Variants in GPR158 observed in about 807,000 individuals in gnomAD.
GPR158 encodes G protein-coupled receptor 158.
GPR158 carries 30 observed loss-of-function variants against 78.2 expected under a neutral mutation model. That is an observed-to-expected ratio of 0.38 (90% confidence interval 0.29 to 0.52). The LOEUF is 0.52. GPR158 is among the 20% of genes least tolerant of loss of function. GPR158 has a pLI of 0.83. For synonymous variants in GPR158, 581 were observed against 591.1 expected, an observed-to-expected ratio of 0.98 and a Z score of 0.25; for missense variants, 1,463 against 1,523.5, an observed-to-expected ratio of 0.96 and a Z score of 0.66.
At chr10:25,197,861 T>C (rs536962585) in intron 1 of GPR158, among the ~76,000 whole-genome samples, 10 of 152,296 alleles carry the variant, frequency 6.6e-5, no homozygotes, top group Admixed American at 2.0e-4. Flanking sequence ...AGTGACCTCC[T>C]TGCACTGGGT....
chr10:25,224,982 C>CAA (rs1049778088), intron 2 of GPR158, among the ~76,000 whole-genome samples: 2 of 152,062 alleles, frequency 1.3e-5, no homozygotes, highest in Non-Finnish European at 1.5e-5. Flanking sequence ...ATTTTGGCAA[C>CAA]AAAAACCACT....
chr10:25,217,918 A>G (rs1853241237), intron 1 of GPR158, among the ~76,000 whole-genome samples: 1 of 151,940 alleles, frequency 6.6e-6, no homozygotes, highest in African/African-American at 2.4e-5. Context: ...TCCTGAGGCC[A>G]TGAAACAGCA....
chr10:25,187,435 T>C (rs1852704146), intron 1 of GPR158, among the ~76,000 whole-genome samples: 1 of 152,070 alleles, frequency 6.6e-6, no homozygotes, highest in South Asian at 2.1e-4. Context: ...TTATCCACCA[T>C]GATCAAGTGG....
At chr10:25,477,666 A>T (rs1392602766) in intron 5 of GPR158, among the ~76,000 whole-genome samples, 1 of 152,146 alleles carries the variant, frequency 6.6e-6, no homozygotes, top group Non-Finnish European at 1.5e-5. Flanking sequence ...TTGGATTGAT[A>T]CAAGAGAAAA....
chr10:25,371,850 A>C, intron 2 of GPR158, among the ~76,000 whole-genome samples: 1 of 130,534 alleles, frequency 7.7e-6, no homozygotes, highest in Non-Finnish European at 1.7e-5. Context: ...GCCAAAATTG[A>C]CAAATGGGAT....
intron 5 of GPR158, among the ~76,000 whole-genome samples, chr10:25,517,802 A>G (rs1237939522): frequency 6.6e-6 from 1 of 150,934 alleles, no homozygotes; most frequent in Non-Finnish European, 1.5e-5. Context: ...TTTTGCATCA[A>G]TGTTCATCAA....
chr10:25,297,310 C>A lies in GPR158; in HGVS notation c.1008+76153C>A, dbSNP rs1350268193. Among the ~76,000 whole-genome samples, 4 of 152,124 alleles carry A rather than the reference C, an allele frequency of 2.6e-5. No homozygotes were observed. The East Asian group carries it at 5.8e-4, about 22-fold the overall frequency. ...TGGTCCAGGAGAATAAACTTGTAGC[C>A]TGAAGCATTGTATGACATCAGTCAT... On this transcript the variant is annotated intron_variant, in intron 2 of 10. Transcript: ENST00000376351.
In GPR158 at chr10:25,423,365, A is replaced by G. The variant is rs1834779791; in HGVS notation, c.1335+10892A>G. On this transcript the variant is annotated intron_variant, in intron 4 of 10. Transcript: ENST00000376351. ...AGATACCTGATAGTGGGATTGCTGG[A>G]TCAAATGGTAAATCTACTTTTAGTT... Among the ~76,000 whole-genome samples, 3 of 147,150 alleles carry G rather than the reference A, an allele frequency of 2.0e-5. No homozygotes were observed. In the South Asian group the frequency reaches 6.7e-4, roughly 33 times the overall value.
intron 4 of GPR158, among the ~76,000 whole-genome samples, chr10:25,456,992 T>C (rs911732374): frequency 2.0e-5 from 3 of 151,934 alleles, no homozygotes; most frequent in African/African-American, 7.2e-5. Context: ...TGTGTGTGTG[T>C]GTTGGAGTCT....
intron 8 of GPR158, among the ~76,000 whole-genome samples, chr10:25,589,350 T>C (rs1173311701): frequency 6.6e-6 from 1 of 152,236 alleles, no homozygotes; most frequent in Admixed American, 6.5e-5. Context: ...TGTTGTTTAT[T>C]GCCTTCTTCT....
chr10:25,302,750 G>A (rs7093650), intron 2 of GPR158, among the ~76,000 whole-genome samples: 30,764 of 152,050 alleles, frequency 0.2, 5,225 homozygotes, highest in African/African-American at 0.47. Context: ...CCTGTTCTAA[G>A]TCAGTGCTAT....
At chr10:25,288,543 T>C (rs557584548) in intron 2 of GPR158, among the ~76,000 whole-genome samples, 95 of 152,340 alleles carry the variant, frequency 6.2e-4, no homozygotes, top group African/African-American at 2.2e-3. Flanking sequence ...AAATTTCTTA[T>C]TTGGGCTAAG....
At chr10:25,483,233 A>G (rs1835682306) in intron 5 of GPR158, among the ~76,000 whole-genome samples, 1 of 152,016 alleles carries the variant, frequency 6.6e-6, no homozygotes, top group Non-Finnish European at 1.5e-5. Flanking sequence ...CTAGAGACCG[A>G]AAAGACCTTC....
chr10:25,420,537 C>G (rs1014572928), intron 4 of GPR158, among the ~76,000 whole-genome samples: 5 of 152,032 alleles, frequency 3.3e-5, no homozygotes, highest in Non-Finnish European at 5.9e-5. Flanking sequence ...AAATGATAGC[C>G]CAATCTGAAG....
chr10:25,514,408 G>C (rs1467302952), intron 5 of GPR158, among the ~76,000 whole-genome samples: 1 of 152,016 alleles, frequency 6.6e-6, no homozygotes, highest in Non-Finnish European at 1.5e-5. Context: ...TTATATGTTA[G>C]GTGAGTCTCG....
In GPR158 at chr10:25,317,716, G is replaced by GTTTTGTTTTTTTTTTT. The variant is rs1554793351; in HGVS notation, c.1009-78191_1009-78190insGTTTTTTTTTTTTTTT. On this transcript the variant is annotated intron_variant, in intron 2 of 10. Transcript: ENST00000376351. ...TTAAATTCTGTTTTCTTCGTAAAGT[G>GTTTTGTTTTTTTTTTT]TTTTTTTTTGTTTTGTTTTGTTTTG... is the stretch of plus-strand genomic sequence containing the variant. Among the ~76,000 whole-genome samples the GTTTTGTTTTTTTTTTT allele has an allele frequency of 5.1e-4, 69 of 134,044 alleles. 1 individual carries two copies. Among genetic ancestry groups the GTTTTGTTTTTTTTTTT allele is most frequent in the Non-Finnish European group, 6.7e-4 (43 of 64,584 alleles). The allele number at this position is 134,044 out of a possible 152,430, so 87.9% of individuals were successfully genotyped here.
intron 2 of GPR158, among the ~76,000 whole-genome samples, chr10:25,297,736 C>T (rs1301663486): frequency 6.6e-6 from 1 of 152,154 alleles, no homozygotes; most frequent in African/African-American, 2.4e-5. Context: ...AGAAAGAAAA[C>T]TAGATTTGGG....
chr10:25,391,152 T>G (rs1760734), intron 2 of GPR158, among the ~76,000 whole-genome samples: 98,109 of 152,088 alleles, frequency 0.65, 32,626 homozygotes, highest in Non-Finnish European at 0.73. Flanking sequence ...GGATGTCCAG[T>G]CAGAGGTGTG....
intron 4 of GPR158, among the ~76,000 whole-genome samples, chr10:25,429,628 T>C (rs950829523): frequency 4.0e-5 from 6 of 151,746 alleles, no homozygotes; most frequent in Admixed American, 2.6e-4. Context: ...ACTGGCAAAC[T>C]GAATCCAGCA....
Sources: allele counts gnomAD v4.1 joint callset (sites outside exome capture counted in the v4.1 genomes callset), GRCh38; gene constraint gnomAD v4.1.1; transcripts MANE v1.5; gene names NCBI Gene and HGNC (gene_info 2026-07-23, HGNC 2026-07-21).